C1QTNF7: variants seen among roughly 807,000 people sequenced by gnomAD.
C1QTNF7 encodes the protein C1q and TNF related 7.
A neutral mutation model predicts 19.6 loss-of-function variants in C1QTNF7; 15 were observed. The observed-to-expected ratio is 0.76, with a 90% CI of 0.51 to 1.18. The LOEUF (loss-of-function observed/expected upper bound fraction) is 1.18, where lower values mean the gene tolerates loss of function less well. Ranked by LOEUF, C1QTNF7 falls within the 50% of genes most tolerant of loss-of-function variation. C1QTNF7 has a pLI of 0.00. For synonymous variants in C1QTNF7, 142 were observed against 137.5 expected, an observed-to-expected ratio of 1.03 and a Z score of -0.23; for missense variants, 324 against 359.7, an observed-to-expected ratio of 0.90 and a Z score of 0.80.
At chr4:15,367,544 A>G (rs1400213807) in intron 1 of C1QTNF7, among the ~76,000 whole-genome samples, 2 of 152,204 alleles carry the variant, frequency 1.3e-5, no homozygotes, top group Admixed American at 1.3e-4. Context: ...ATGTATGTGT[A>G]TCAATGTCAG....
chr4:15,348,761 T>C (rs1301229475), intron 1 of C1QTNF7, among the ~76,000 whole-genome samples: 1 of 152,248 alleles, frequency 6.6e-6, no homozygotes, highest in Non-Finnish European at 1.5e-5. Context: ...GTTTTTGACC[T>C]ATAGAAATGG....
intron 1 of C1QTNF7, among the ~76,000 whole-genome samples, chr4:15,369,042 G>C (rs1289827177): frequency 6.6e-6 from 1 of 152,228 alleles, no homozygotes. Flanking sequence ...CTGCAGGCTA[G>C]GATATTTTGA....
intron 1 of C1QTNF7, among the ~76,000 whole-genome samples, chr4:15,348,306 G>T (rs1716785905): frequency 6.6e-6 from 1 of 152,168 alleles, no homozygotes; most frequent in Admixed American, 6.5e-5. Flanking sequence ...TTTCCACAAT[G>T]CTGTCAAAGC....
intron 1 of C1QTNF7, among the ~76,000 whole-genome samples, chr4:15,354,099 G>T (rs1034735931): frequency 6.6e-6 from 1 of 152,014 alleles, no homozygotes; most frequent in Non-Finnish European, 1.5e-5. Flanking sequence ...ACCCAAACCC[G>T]TTCTCCAACT....
Position 15,415,343 on chromosome 4 carries a change from A to G in C1QTNF7, c.14-20393A>G, listed in dbSNP as rs145049685. Among the ~76,000 whole-genome samples, 1,470 of 152,312 alleles carry G rather than the reference A, an allele frequency of 9.7e-3. 49 individuals carry two copies. In the East Asian group the frequency reaches 0.11, roughly 12 times the overall value. ...GAAATATTCAAAGACACTCTTTTAC[A>G]TTATCAATTATTTATTTCTTTAAGA... On this transcript the variant is annotated intron_variant, in intron 1 of 2. Transcript: ENST00000295297.
At chr4:15,351,242 C>A (rs1301592558) in intron 1 of C1QTNF7, among the ~76,000 whole-genome samples, 1 of 152,030 alleles carries the variant, frequency 6.6e-6, no homozygotes, top group South Asian at 2.1e-4. Context: ...TGTCTTCTTC[C>A]GTCCTTTTCA....
chr4:15,349,873 T>C (rs1202655271), intron 1 of C1QTNF7, among the ~76,000 whole-genome samples: 2 of 152,066 alleles, frequency 1.3e-5, no homozygotes, highest in Non-Finnish European at 2.9e-5. Flanking sequence ...ACGAGTCTCA[T>C]AAGGAAGGCA....
At chr4:15,366,498 GCAT>G (rs1190391553) in intron 1 of C1QTNF7, among the ~76,000 whole-genome samples, 2 of 152,156 alleles carry the variant, frequency 1.3e-5, no homozygotes, top group Admixed American at 6.6e-5. Flanking sequence ...TGCAGTTACA[GCAT>G]CTAACCCTTT....
At chr4:15,377,924 CA>C (rs1378986529) in intron 1 of C1QTNF7, among the ~76,000 whole-genome samples, 1 of 152,114 alleles carries the variant, frequency 6.6e-6, no homozygotes, top group African/African-American at 2.4e-5. Flanking sequence ...ATTCAATCCA[CA>C]AATTTGCACT....
chr4:15,364,375 T>C (rs1051868023), intron 1 of C1QTNF7, among the ~76,000 whole-genome samples: 3 of 152,228 alleles, frequency 2.0e-5, no homozygotes, highest in African/African-American at 7.2e-5. Flanking sequence ...TTCACAGCTC[T>C]AATGAGTGAG....
At chr4:15,376,527 C>T (rs1174618217) in intron 1 of C1QTNF7, among the ~76,000 whole-genome samples, 1 of 152,204 alleles carries the variant, frequency 6.6e-6, no homozygotes, top group African/African-American at 2.4e-5. Flanking sequence ...GAGCTCATAA[C>T]AGCAGGGTTC....
At chr4:15,410,829 C>G (rs773266584) in intron 1 of C1QTNF7, among the ~76,000 whole-genome samples, 7 of 152,166 alleles carry the variant, frequency 4.6e-5, no homozygotes. Context: ...CAAAGCAGCA[C>G]GAAGGCAGCC....
chr4:15,408,976 T>C (rs144650729), intron 1 of C1QTNF7, among the ~76,000 whole-genome samples: 1 of 152,316 alleles, frequency 6.6e-6, no homozygotes, highest in Non-Finnish European at 1.5e-5. Context: ...AGCAGTATCT[T>C]GGTAGGGCAT....
intron 1 of C1QTNF7, among the ~76,000 whole-genome samples, chr4:15,415,221 G>A (rs776818937): frequency 7.9e-5 from 12 of 152,182 alleles, no homozygotes; most frequent in Non-Finnish European, 1.5e-4. Context: ...GGTGTTTAAG[G>A]TTGGCACCAG....
chr4:15,426,864 G>A (rs915962081), upstream of C1QTNF7, among the ~76,000 whole-genome samples: 4 of 152,120 alleles, frequency 2.6e-5, no homozygotes, highest in Non-Finnish European at 5.9e-5. Flanking sequence ...CATTTGGTTC[G>A]AGAATATTAA....
chr4:15,393,161 C>T (rs780934292), intron 1 of C1QTNF7, among the ~76,000 whole-genome samples: 1 of 152,122 alleles, frequency 6.6e-6, no homozygotes, highest in Non-Finnish European at 1.5e-5. Flanking sequence ...TCTTTTCTGT[C>T]TTGTCTGCCG....
At position 15,433,827 on chromosome 4, in the gene C1QTNF7, T is replaced by C. The variant is rs529298254; in HGVS notation, c.-8-1909T>C. Among the ~76,000 whole-genome samples the C allele has an allele frequency of 5.3e-5, 8 of 152,284 alleles. No individual in the cohort carries two copies. The East Asian group carries it at 1.2e-3, about 22-fold the overall frequency. On this transcript the variant is annotated intron_variant, in intron 1 of 2. Coordinates refer to ENST00000444304, the MANE Select transcript of C1QTNF7 (RefSeq NM_031911.5). Reference sequence around the variant, plus strand: ...GGCTTTAAAGCTCCTGAGATCAGACTTGCTTCCCCCACATTTTAAAGATGA... The same window carrying C: ...GGCTTTAAAGCTCCTGAGATCAGACCTGCTTCCCCCACATTTTAAAGATGA...
chr4:15,420,544 GT>G (rs1711699558), intron 1 of C1QTNF7, among the ~76,000 whole-genome samples: 2 of 152,180 alleles, frequency 1.3e-5, no homozygotes, highest in Admixed American at 1.3e-4. Context: ...GCACAAATGT[GT>G]CAGTCAACAA....
chr4:15,373,587 C>T (rs532704802), intron 1 of C1QTNF7, among the ~76,000 whole-genome samples: 2 of 152,150 alleles, frequency 1.3e-5, no homozygotes, highest in Admixed American at 6.5e-5. Flanking sequence ...TGTTTTGGAA[C>T]GTTTAAATGA....
Sources: gnomAD v4.1 joint callset for allele counts (sites outside exome capture counted in the v4.1 genomes callset) on GRCh38, gnomAD v4.1.1 for gene constraint, MANE v1.5 for transcripts, NCBI Gene and HGNC (gene_info 2026-07-23, HGNC 2026-07-21) for gene names.